UIMC1: variants seen among roughly 807,000 people sequenced by gnomAD.
UIMC1 encodes ubiquitin interaction motif containing 1.
Under a neutral mutation model 84.9 loss-of-function variants are expected in UIMC1, and 42 were observed. The ratio of observed to expected loss-of-function variants is 0.49; its 90% CI spans 0.39 to 0.64. The LOEUF is 0.64. Among genes scored for constraint, UIMC1 ranks in the 30% least tolerant of loss-of-function variants. The probability of loss-of-function intolerance (pLI) is 0.00; values close to 1 mark genes in which losing one functional copy is unlikely to be tolerated. For missense variants in UIMC1, 825 were observed against 847.6 expected (o/e 0.97, Z 0.33); for synonymous variants, 281 against 293.0 (o/e 0.96, Z 0.42).
chr5:176,926,637 AAAC>A (rs57287380), intron 10 of UIMC1, among the ~76,000 whole-genome samples: 244 of 151,510 alleles, frequency 1.6e-3, no homozygotes, highest in Middle Eastern at 3.4e-3. Flanking sequence ...ACCCTGTCTC[AAAC>A]AACAACAACA....
chr5:176,975,886 G>C (rs1447784549), intron 2 of UIMC1, among the ~76,000 whole-genome samples: 2 of 151,306 alleles, frequency 1.3e-5, no homozygotes. Context: ...GGAAAAAGAG[G>C]GTAAATGAAA....
chr5:176,908,164 TGA>T (rs1376301893), intron 12 of UIMC1, among the ~76,000 whole-genome samples: 1 of 151,916 alleles, frequency 6.6e-6, no homozygotes, highest in Non-Finnish European at 1.5e-5. Context: ...GCATATATAT[TGA>T]GAGAGAGAAG....
At chr5:176,939,345 A>C (rs891209471) in intron 10 of UIMC1, among the ~76,000 whole-genome samples, 4 of 152,146 alleles carry the variant, frequency 2.6e-5, no homozygotes, top group South Asian at 2.1e-4. Flanking sequence ...GATAGAAAAG[A>C]AGCAAACTTC....
chr5:176,916,300 T>C (rs1210518794), intron 10 of UIMC1, among the ~76,000 whole-genome samples: 1 of 152,156 alleles, frequency 6.6e-6, no homozygotes, highest in African/African-American at 2.4e-5. Flanking sequence ...AGAGAACAGG[T>C]ATCACTGAAA....
At chr5:176,909,695 C>T (rs988074000) in intron 11 of UIMC1, among the ~76,000 whole-genome samples, 2 of 152,184 alleles carry the variant, frequency 1.3e-5, no homozygotes, top group Non-Finnish European at 2.9e-5. Flanking sequence ...CTCTCAAATA[C>T]TTAATTATCC....
At chr5:176,955,103 T>G (rs751242549) in intron 8 of UIMC1, among the ~76,000 whole-genome samples, 6 of 152,132 alleles carry the variant, frequency 3.9e-5, no homozygotes, top group African/African-American at 9.7e-5. Context: ...CTAAAACAAA[T>G]TCCTTAGAAA....
In UIMC1 at chr5:176,952,047, A is replaced by T. The variant is rs573530340; in HGVS notation, c.1340-470T>A. Reference sequence around the variant, plus strand: ...TTTTACTTAGTATAATGTGTCTGAGATGGACCCATGTCGTCACATAATATC... The same window carrying T: ...TTTTACTTAGTATAATGTGTCTGAGTTGGACCCATGTCGTCACATAATATC... On this transcript the variant is annotated intron_variant, in intron 8 of 14. Coordinates refer to ENST00000511320, the MANE Select transcript of UIMC1 (RefSeq NM_001199298.2). Among the ~76,000 whole-genome samples, 9 of 152,324 alleles carry T rather than the reference A, an allele frequency of 5.9e-5. No homozygotes were observed. In the East Asian group the frequency reaches 1.7e-3, roughly 29 times the overall value.
chr5:176,911,404 A>T lies in UIMC1; in HGVS notation c.1598-15T>A, dbSNP rs554877044. On this transcript the variant is annotated splice_polypyrimidine_tract_variant and intron_variant, in intron 10 of 14. Coordinates refer to ENST00000511320, the MANE Select transcript of UIMC1 (RefSeq NM_001199298.2). ...CCGAGTCAATACTTTTAATATAAAAAATATATATATATACACATAGTTAGC... is the reference window on the plus strand; with the variant it reads ...CCGAGTCAATACTTTTAATATAAAATATATATATATATACACATAGTTAGC... 122 of 1,520,150 alleles carry T rather than the reference A, an allele frequency of 8.0e-5. No homozygotes were observed. The highest frequency in any genetic ancestry group is 2.1e-4 in the African/African-American group (15 of 70,810). The allele number at this position is 1,520,150 out of a possible 1,614,324, so 94.2% of individuals were successfully genotyped here.
intron 3 of UIMC1, among the ~76,000 whole-genome samples, chr5:176,974,288 A>C (rs1769718642): frequency 1.3e-5 from 2 of 152,208 alleles, no homozygotes; most frequent in Admixed American, 1.3e-4. Context: ...GATTTTCAAC[A>C]CAAGGAAAGG....
chr5:177,007,991 G>A (rs905476107), upstream of UIMC1, among the ~76,000 whole-genome samples: 2 of 151,872 alleles, frequency 1.3e-5, no homozygotes, highest in African/African-American at 4.8e-5. Flanking sequence ...AGTAATCCCA[G>A]CTATTCGGGA....
intron 10 of UIMC1, among the ~76,000 whole-genome samples, chr5:176,938,701 G>A (rs2149435799): frequency 6.6e-6 from 1 of 152,138 alleles, no homozygotes; most frequent in Middle Eastern, 3.4e-3. Context: ...CCTTGCTATG[G>A]GTTTATCCAG....
At chr5:176,910,157 T>C (rs564040693) in intron 11 of UIMC1, among the ~76,000 whole-genome samples, 42 of 152,314 alleles carry the variant, frequency 2.8e-4, no homozygotes, top group African/African-American at 1.0e-3. Flanking sequence ...ATTACTGCAA[T>C]ACAATGTGAG....
chr5:176,947,751 G>C (rs1317884673), intron 9 of UIMC1, among the ~76,000 whole-genome samples: 1 of 151,830 alleles, frequency 6.6e-6, no homozygotes, highest in African/African-American at 2.4e-5. Flanking sequence ...CCGGGAGGTG[G>C]AGCTTGCAGA....
At chr5:176,909,057 A>T (rs1301316756) in intron 11 of UIMC1, among the ~76,000 whole-genome samples, 1 of 152,208 alleles carries the variant, frequency 6.6e-6, no homozygotes, top group Non-Finnish European at 1.5e-5. Context: ...GAGAAGTTAA[A>T]ATTTCAACAG....
chr5:176,967,417 G>A (rs532500362), intron 6 of UIMC1, among the ~76,000 whole-genome samples: 1 of 152,178 alleles, frequency 6.6e-6, no homozygotes, highest in South Asian at 2.1e-4. Flanking sequence ...AAAAGAAAAT[G>A]TATTCTGCTT....
chr5:177,003,330 T>G (rs1774806685), intron 1 of UIMC1, among the ~76,000 whole-genome samples: 1 of 152,016 alleles, frequency 6.6e-6, no homozygotes, highest in Non-Finnish European at 1.5e-5. Context: ...TATAAAAGGA[T>G]ATGGCTGAAA....
intron 1 of UIMC1, among the ~76,000 whole-genome samples, chr5:177,006,031 T>TA (rs753032625): frequency 5.3e-5 from 8 of 151,954 alleles, no homozygotes; most frequent in Non-Finnish European, 1.0e-4. Context: ...GGCAAATAAT[T>TA]AGAGAAAACG....
At chr5:176,990,284 G>T (rs1405509815) in intron 1 of UIMC1, among the ~76,000 whole-genome samples, 2 of 151,834 alleles carry the variant, frequency 1.3e-5, no homozygotes, top group African/African-American at 4.8e-5. Flanking sequence ...AGGCCTAAGA[G>T]AACCTGTTTG....
rs1055277733 is a variant in UIMC1, at chr5:176,968,739, C to T, written c.1016G>A (p.Gly339Glu). ...TTCATTTTTCTCACTAGCCTGCTCT[C>T]CTTGGCCACATTCATTCTGGATCAG... ...PSLIQNECGQ[G>E]EQASEKNECI... The change falls in exon 6 of 15, where the codon GGA becomes GAA. Residue 339 changes from glycine to glutamate, a missense_variant. Physicochemically the swap from Gly to Glu is moderately conservative, Grantham distance 98. Coordinates refer to ENST00000511320, the MANE Select transcript of UIMC1 (RefSeq NM_001199298.2). The T allele has an allele frequency of 6.2e-6, 10 of 1,614,046 alleles. No individual in the cohort carries two copies. The highest frequency in any genetic ancestry group is 1.3e-5 in the African/African-American group (1 of 74,928).
Sources: allele counts gnomAD v4.1 joint callset (sites outside exome capture counted in the v4.1 genomes callset), GRCh38; gene constraint gnomAD v4.1.1; transcripts MANE v1.5; gene names NCBI Gene and HGNC (gene_info 2026-07-23, HGNC 2026-07-21).